ITGB3: variants seen among roughly 807,000 people sequenced by gnomAD.
ITGB3 encodes the protein integrin subunit beta 3, also known as integrin beta-3.
A neutral mutation model predicts 85.8 loss-of-function variants in ITGB3; 48 were observed. The observed-to-expected ratio is 0.56, with a 90% CI of 0.44 to 0.71. ITGB3 has a LOEUF of 0.71. Ranked by LOEUF, ITGB3 falls within the 30% of genes least tolerant of loss-of-function variation. The pLI, the probability that ITGB3 is intolerant of heterozygous loss-of-function variation, is 0.00. For missense variants in ITGB3, 861 were observed against 1,019.1 expected, an observed-to-expected ratio of 0.84 and a Z score of 2.11; for synonymous variants, 363 against 395.6, an observed-to-expected ratio of 0.92 and a Z score of 0.98.
At chr17:47,292,116 A>G (rs368203068) in intron 9 of ITGB3, 23 bp from the exon 10 acceptor site, 3 of 1,613,756 alleles carry the variant, frequency 1.9e-6, no homozygotes, top group South Asian at 2.2e-5. Context: ...CTGTGTCTAA[A>G]TACAATCTTT....
At chr17:47,293,051 A>G (rs1255799638) in intron 10 of ITGB3, among the ~76,000 whole-genome samples, 2 of 152,176 alleles carry the variant, frequency 1.3e-5, no homozygotes, top group Non-Finnish European at 2.9e-5. Flanking sequence ...TGGCTATTTA[A>G]ATTAACCAAA....
At chr17:47,308,732 C>T (rs1224412163) in intron 14 of ITGB3, among the ~76,000 whole-genome samples, 1 of 152,106 alleles carries the variant, frequency 6.6e-6, no homozygotes, top group Non-Finnish European at 1.5e-5. Flanking sequence ...GAACTCCTGA[C>T]CTCGTGATCA....
chr17:47,304,122 A>C (rs909431980), intron 13 of ITGB3, among the ~76,000 whole-genome samples: 1 of 151,954 alleles, frequency 6.6e-6, no homozygotes, highest in African/African-American at 2.4e-5. Context: ...AAACTCTGGG[A>C]CTCAAGTGAT....
chr17:47,303,985 C>G (rs183058081), intron 13 of ITGB3, among the ~76,000 whole-genome samples: 1 of 151,924 alleles, frequency 6.6e-6, no homozygotes, highest in African/African-American at 2.4e-5. Context: ...TCAACCTCTT[C>G]GGCTCACACA....
In ITGB3 at chr17:47,311,962, A is replaced by G. The variant is rs1259172898; in HGVS notation, c.*1758A>G. ...CTTGAAGGTCTCTTTCAGTATCAAC[A>G]TTCTAAGATGCTGGGACTTACTGTG... On this transcript the variant is annotated 3_prime_UTR_variant, in exon 15 of 15. Coordinates refer to ENST00000559488, the MANE Select transcript of ITGB3 (RefSeq NM_000212.3). 1 of 152,556 alleles carries G rather than the reference A, an allele frequency of 6.6e-6. No individual in the cohort carries two copies. Among genetic ancestry groups the G allele is most frequent in the Non-Finnish European group, 1.5e-5 (1 of 68,036 alleles). The allele number at this position is 152,556 out of a possible 1,614,324, so 9.5% of individuals were successfully genotyped here. A position where few individuals can be genotyped will look rare whatever the true frequency, so the allele number is the denominator to read the frequency against.
chr17:47,287,482 A>G (rs893936770), intron 6 of ITGB3, among the ~76,000 whole-genome samples: 2 of 152,344 alleles, frequency 1.3e-5, no homozygotes, highest in Middle Eastern at 3.4e-3. Context: ...CAGCAGCATC[A>G]TGGGATCCAG....
At chr17:47,290,904 C>T (rs753545388) in intron 8 of ITGB3, 50 bp from the exon 9 acceptor site, 126 of 1,610,212 alleles carry the variant, frequency 7.8e-5, no homozygotes, top group Non-Finnish European at 8.1e-5. Context: ...TGCCATTTCC[C>T]GTTTCCTTTC....
chr17:47,278,431 T>G (rs1259847604), intron 2 of ITGB3, among the ~76,000 whole-genome samples: 2 of 151,968 alleles, frequency 1.3e-5, no homozygotes, highest in Non-Finnish European at 2.9e-5. Flanking sequence ...AAATACAAAA[T>G]TAGCTGGGCG....
intron 1 of ITGB3, among the ~76,000 whole-genome samples, chr17:47,266,590 T>G (rs1402462385): frequency 6.6e-6 from 1 of 152,286 alleles, no homozygotes; most frequent in East Asian, 1.9e-4. Flanking sequence ...TTCAAAAAAC[T>G]TTTTTGAGGC....
chr17:47,305,641 T>C (rs2065184990), intron 13 of ITGB3: 1 of 152,210 alleles, frequency 6.6e-6, no homozygotes, highest in Non-Finnish European at 1.5e-5. Flanking sequence ...TCAATAGGGT[T>C]ATGATTTTAG....
chr17:47,286,131 G>GTAAC, intron 4 of ITGB3, 129 bp from the exon 5 acceptor site: 1 of 1,027,772 alleles, frequency 9.7e-7, no homozygotes, highest in Non-Finnish European at 1.5e-6. Flanking sequence ...AACTGTCTGG[G>GTAAC]TAACTGTGGT....
intron 6 of ITGB3, among the ~76,000 whole-genome samples, chr17:47,288,353 C>G (rs2065112157): frequency 6.6e-6 from 1 of 152,124 alleles, no homozygotes; most frequent in Non-Finnish European, 1.5e-5. Context: ...TTAGCTTATA[C>G]ATGAGAAAAC....
rs201064361 is a variant in ITGB3 at position 47,286,272 on chromosome 17, C to G, written c.627C>G (p.Thr209=). 109 of 1,614,070 alleles carry G rather than the reference C, an allele frequency of 6.8e-5. No homozygotes were observed. Among genetic ancestry groups the G allele is most frequent in the Non-Finnish European group, 8.5e-7 (1 of 1,180,040 alleles). Residue 209 remains threonine (T), a synonymous_variant, in exon 5 of 15, where the codon ACC becomes ACG. Coordinates refer to ENST00000559488, the MANE Select transcript of ITGB3 (RefSeq NM_000212.3). Reference sequence around the variant, plus strand: ...CATCCCTCCCCAGTATGAAGACCACCTGCTTGCCCATGTTTGGCTACAAAC... The same window carrying G: ...CATCCCTCCCCAGTATGAAGACCACGTGCTTGCCCATGTTTGGCTACAAAC... ...LENPCYDMKT[T]CLPMFGYKHV... is the part of the protein sequence containing the mutation.
intron 1 of ITGB3, among the ~76,000 whole-genome samples, chr17:47,259,010 G>T (rs2065000065): frequency 6.6e-6 from 1 of 152,148 alleles, no homozygotes; most frequent in Admixed American, 6.5e-5. Flanking sequence ...GAAAGCAGTG[G>T]GACTGGATCC....
rs905423113 is a variant in ITGB3, at chr17:47,277,259, G to A, written c.165+2755G>A. On this transcript the variant is annotated intron_variant, in intron 2 of 14. Transcript: ENST00000559488. ...CTAGAACCTCCCAAACTCATTTGGT[G>A]TTGAGAATTGCCTGAGGTGCTTGTT... Among the ~76,000 whole-genome samples the A allele has an allele frequency of 4.3e-4, 66 of 152,200 alleles. 1 individual carries two copies. Among genetic ancestry groups the A allele is most frequent in the Non-Finnish European group, 2.9e-5 (2 of 68,030 alleles).
rs757985563 is a variant in ITGB3 at position 47,292,483 on chromosome 17, C to T, written c.1605C>T (p.His535=). ...GECLCGQCVC[H]SSDFGKITGK... ...GCCTCTGTGGTCAATGTGTCTGCCA[C>T]AGCAGTGACTTTGGCAAGATCACGG... is the stretch of plus-strand genomic sequence containing the variant. Residue 535 remains histidine (H), a synonymous_variant, in exon 10 of 15, where the codon CAC becomes CAT. Coordinates refer to ENST00000559488, the MANE Select transcript of ITGB3 (RefSeq NM_000212.3). The T allele has an allele frequency of 6.8e-5, 110 of 1,610,308 alleles. No individual in the cohort carries two copies. Among genetic ancestry groups the T allele is most frequent in the Non-Finnish European group, 8.5e-5 (100 of 1,178,874 alleles).
Position 47,292,346 on chromosome 17 carries a change from C to T in ITGB3, c.1468C>T (p.Pro490Ser), listed in dbSNP as rs757590667. The T allele has an allele frequency of 3.1e-6, 5 of 1,614,168 alleles. No homozygotes were observed. Among genetic ancestry groups the T allele is most frequent in the Non-Finnish European group, 3.4e-6 (4 of 1,180,024 alleles). The part of the protein sequence containing the change: ...TFECGVCRCG[P>S]GWLGSQCECS... The stretch of plus-strand genomic sequence containing the variant: ...TGAGTGTGGGGTATGCCGTTGTGGG[C>T]CTGGCTGGCTGGGATCCCAGTGTGA... Residue 490 changes from proline (P) to serine (S), a missense_variant, in exon 10 of 15, where the codon CCT (proline) becomes TCT (serine). Pro to Ser is a moderately conservative substitution (Grantham distance 74). Transcript: ENST00000559488.
chr17:47,294,004 G>A (rs1275387497), intron 10 of ITGB3, among the ~76,000 whole-genome samples: 1 of 152,200 alleles, frequency 6.6e-6, no homozygotes, highest in Non-Finnish European at 1.5e-5. Context: ...GTCGATCTGT[G>A]TCTTTCTAAA....
At chr17:47,298,476 A>T (rs1221623184) in intron 10 of ITGB3, among the ~76,000 whole-genome samples, 2 of 151,964 alleles carry the variant, frequency 1.3e-5, no homozygotes, top group Non-Finnish European at 2.9e-5. Context: ...GCCCCACCCC[A>T]TCTACCCATA....
Sources: gnomAD v4.1 joint callset for allele counts (sites outside exome capture counted in the v4.1 genomes callset) on GRCh38, gnomAD v4.1.1 for gene constraint, MANE v1.5 for transcripts, NCBI Gene and HGNC (gene_info 2026-07-23, HGNC 2026-07-21) for gene names.